DCC: variants seen among roughly 807,000 people sequenced by gnomAD.
The protein encoded by DCC is netrin receptor DCC.
A neutral mutation model predicts 172.5 loss-of-function variants in DCC; 58 were observed. That is an observed-to-expected ratio of 0.34 (90% CI 0.27 to 0.42). The LOEUF is 0.42. DCC is among the 10% of genes least tolerant of loss of function. DCC has a pLI of 1.00. For synonymous variants in DCC, 709 were observed against 644.5 expected (o/e 1.10, Z -1.52); for missense variants, 1,740 against 1,791.0 (o/e 0.97, Z 0.51).
intron 1 of DCC, among the ~76,000 whole-genome samples, chr18:52,435,452 C>T (rs902216596): frequency 6.6e-6 from 1 of 152,118 alleles, no homozygotes; most frequent in African/African-American, 2.4e-5. Flanking sequence ...GCTGCCTCCT[C>T]GTCAGAGCCT....
chr18:53,047,239 T>G (rs1443016168), intron 5 of DCC, among the ~76,000 whole-genome samples: 172 of 5,308 alleles, frequency 0.032, 8 homozygotes, highest in Non-Finnish European at 0.051. Context: ...AGGTAGGATA[T>G]ATATATATAT....
intron 15 of DCC, among the ~76,000 whole-genome samples, chr18:53,381,691 T>C (rs1482641403): frequency 6.6e-6 from 1 of 151,748 alleles, no homozygotes; most frequent in Non-Finnish European, 1.5e-5. Flanking sequence ...TATATTGGCA[T>C]GTAGTTGGGT....
intron 2 of DCC, among the ~76,000 whole-genome samples, chr18:52,800,196 A>C (rs1378981174): frequency 6.6e-6 from 1 of 152,214 alleles, no homozygotes; most frequent in Non-Finnish European, 1.5e-5. Flanking sequence ...AAGTACCTTC[A>C]GCAAAATCTG....
At chr18:53,245,322 A>G (rs1021865363) in intron 12 of DCC, among the ~76,000 whole-genome samples, 2 of 152,168 alleles carry the variant, frequency 1.3e-5, no homozygotes, top group Admixed American at 1.3e-4. Flanking sequence ...AAGAAGCAGC[A>G]TAGTTAGTGG....
chr18:53,144,197 C>G (rs943284760), intron 7 of DCC, among the ~76,000 whole-genome samples: 9 of 152,178 alleles, frequency 5.9e-5, no homozygotes, highest in Non-Finnish European at 1.0e-4. Context: ...ATATTTCCAT[C>G]TCCCTATTAT....
At chr18:53,011,070 C>G (rs1415130589) in intron 5 of DCC, among the ~76,000 whole-genome samples, 1 of 151,222 alleles carries the variant, frequency 6.6e-6, no homozygotes, top group Non-Finnish European at 1.5e-5. Flanking sequence ...ATTAAATATG[C>G]TGATGAAGCT....
intron 1 of DCC, among the ~76,000 whole-genome samples, chr18:52,594,196 G>A (rs1322034801): frequency 6.6e-6 from 1 of 152,190 alleles, no homozygotes; most frequent in African/African-American, 2.4e-5. Context: ...GTAGAAACTT[G>A]TGCCTTCTGG....
At chr18:52,342,154 C>A (rs1479814096) in intron 1 of DCC, among the ~76,000 whole-genome samples, 1 of 152,202 alleles carries the variant, frequency 6.6e-6, no homozygotes, top group African/African-American at 2.4e-5. Context: ...GCCAAGGCAG[C>A]CCGAGGCTCC....
chr18:52,942,956 T>C (rs151236857), intron 5 of DCC, among the ~76,000 whole-genome samples: 1,721 of 152,328 alleles, frequency 0.011, 41 homozygotes, highest in African/African-American at 0.04. Flanking sequence ...TATTACAAAG[T>C]TGTATGAAGA....
At position 53,531,048 on chromosome 18, in the gene DCC, C is replaced by A; in HGVS notation, c.*395C>A. ...CAAAATGCAAGTGCATTATTTAAGC[C>A]TGTACCATGCCATGGCAAACCAGTG... On this transcript the variant is annotated 3_prime_UTR_variant, in exon 29 of 29. Coordinates refer to ENST00000442544, the MANE Select transcript of DCC (RefSeq NM_005215.4). 1 of 286,058 alleles carries A rather than the reference C, an allele frequency of 3.5e-6. No individual in the cohort carries two copies. Among genetic ancestry groups the A allele is most frequent in the Non-Finnish European group, 6.8e-6 (1 of 146,378 alleles). The allele number at this position is 286,058 out of a possible 1,614,324, so 17.7% of individuals were successfully genotyped here. A position where few individuals can be genotyped will look rare whatever the true frequency, so the allele number is the denominator to read the frequency against.
chr18:52,344,111 T>C (rs973594065), intron 1 of DCC, among the ~76,000 whole-genome samples: 4 of 152,266 alleles, frequency 2.6e-5, no homozygotes, highest in African/African-American at 9.6e-5. Flanking sequence ...GGCATTTTTT[T>C]CTGGGGAGAG....
At chr18:53,233,425 AC>A (rs1461972306) in intron 12 of DCC, among the ~76,000 whole-genome samples, 9 of 152,174 alleles carry the variant, frequency 5.9e-5, no homozygotes, top group Non-Finnish European at 1.3e-4. Context: ...ATATCAAGAA[AC>A]AGTTTTCAGT....
chr18:52,625,124 TA>T (rs941615620), intron 1 of DCC, among the ~76,000 whole-genome samples: 7 of 152,088 alleles, frequency 4.6e-5, no homozygotes, highest in Non-Finnish European at 1.0e-4. Context: ...TAAACATATC[TA>T]AACATAGAAA....
At chr18:52,546,033 T>C (rs761468411) in intron 1 of DCC, among the ~76,000 whole-genome samples, 12 of 152,200 alleles carry the variant, frequency 7.9e-5, no homozygotes, top group African/African-American at 1.7e-4. Context: ...ATATGTGGAA[T>C]ACTATTTTAG....
intron 2 of DCC, among the ~76,000 whole-genome samples, chr18:52,903,090 A>C (rs1357840910): frequency 1.3e-5 from 2 of 152,240 alleles, no homozygotes; most frequent in East Asian, 1.9e-4. Context: ...CCAATTGTTG[A>C]GTATCAGTTT....
chr18:53,373,429 A>G lies in DCC; in HGVS notation c.2360-12614A>G, dbSNP rs571948783. ...AATCCAAGTGAGCAACTAAAATGCT[A>G]CTTGATTTTCTTGAGAACTTTGGCC... On this transcript the variant is annotated intron_variant, in intron 15 of 28. Coordinates refer to ENST00000442544, the MANE Select transcript of DCC (RefSeq NM_005215.4). Among the ~76,000 whole-genome samples, 526 of 152,196 alleles carry G rather than the reference A, an allele frequency of 3.5e-3. 3 individuals are homozygous for G. Among genetic ancestry groups the G allele is most frequent in the African/African-American group, 0.012 (491 of 41,548 alleles).
At chr18:53,064,292 A>G (rs1270829298) in intron 6 of DCC, among the ~76,000 whole-genome samples, 1 of 152,140 alleles carries the variant, frequency 6.6e-6, no homozygotes. Flanking sequence ...ACTTATAGGT[A>G]TAGGTTAGCA....
intron 2 of DCC, among the ~76,000 whole-genome samples, chr18:52,856,746 G>C (rs1003158207): frequency 1.3e-5 from 2 of 151,676 alleles, no homozygotes; most frequent in Non-Finnish European, 2.9e-5. Flanking sequence ...GATCTGAAAC[G>C]TCTGTTTTTT....
At chr18:53,135,627 G>A (rs1598837650) in intron 7 of DCC, among the ~76,000 whole-genome samples, 1 of 152,152 alleles carries the variant, frequency 6.6e-6, no homozygotes, top group East Asian at 1.9e-4. Context: ...AGGTTTTATG[G>A]TTTCTTTGTC....
Sources: gnomAD v4.1 joint callset for allele counts (sites outside exome capture counted in the v4.1 genomes callset) on GRCh38, gnomAD v4.1.1 for gene constraint, MANE v1.5 for transcripts, NCBI Gene and HGNC (gene_info 2026-07-23, HGNC 2026-07-21) for gene names.